IQGAP2: variants seen among roughly 807,000 people sequenced by gnomAD.
IQGAP2 encodes the protein IQ motif containing GTPase activating protein 2, also known as ras GTPase-activating-like protein IQGAP2.
A neutral mutation model predicts 201.3 loss-of-function variants in IQGAP2; 173 were observed. The ratio of observed to expected loss-of-function variants is 0.86; its 90% confidence interval spans 0.76 to 0.98. The LOEUF (loss-of-function observed/expected upper bound fraction) is 0.98, where lower values mean the gene tolerates loss of function less well. Among genes scored for constraint, IQGAP2 ranks in the 50% least tolerant of loss-of-function variants. IQGAP2 has a pLI of 0.00. For synonymous variants in IQGAP2, 675 were observed against 673.9 expected (o/e 1.00, Z -0.03); for missense variants, 1,687 against 1,864.8 (o/e 0.90, Z 1.76).
chr5:76,565,306 G>T (rs1476205711), intron 3 of IQGAP2, among the ~76,000 whole-genome samples: 2 of 152,086 alleles, frequency 1.3e-5, no homozygotes, highest in African/African-American at 4.8e-5. Context: ...CTCGCTGCAG[G>T]GTCTGCCTAG....
chr5:76,665,753 A>G (rs1223839287), intron 22 of IQGAP2, among the ~76,000 whole-genome samples: 1 of 152,154 alleles, frequency 6.6e-6, no homozygotes, highest in Non-Finnish European at 1.5e-5. Context: ...TGTTGGTGAG[A>G]ACTGATAAGT....
intron 2 of IQGAP2, among the ~76,000 whole-genome samples, chr5:76,523,261 A>G (rs1580377664): frequency 6.6e-6 from 1 of 151,698 alleles, no homozygotes; most frequent in East Asian, 1.9e-4. Context: ...ATTTAAAAAA[A>G]AAAAATTTTG....
intron 23 of IQGAP2, among the ~76,000 whole-genome samples, chr5:76,669,090 A>G (rs1042950087): frequency 5.3e-5 from 8 of 152,222 alleles, no homozygotes; most frequent in African/African-American, 1.9e-4. Context: ...AACAACTGAA[A>G]ATCAATAGCA....
In IQGAP2 at chr5:76,606,267, G is replaced by A; in HGVS notation, c.1321G>A (p.Asp441Asn). 8.1e-6 allele frequency: 13 copies of A among 1,603,350 alleles called. No individual in the cohort carries two copies. The highest frequency in any genetic ancestry group is 1.1e-5 in the Non-Finnish European group (13 of 1,174,372). ...LSWNEIQNCI[D>N]MVNAQIQEEN... is the part of the protein sequence containing the mutation. ...CTGGAATGAAATTCAGAATTGTATT[G>A]ATATGGTTAATGCTCAAATTCAAGA... is the stretch of plus-strand genomic sequence containing the variant. Residue 441 changes from aspartate (D) to asparagine (N), a missense_variant, in exon 12 of 36, where the codon GAT becomes AAT. Physicochemically the swap from Asp to Asn is conservative, Grantham distance 23. Transcript: ENST00000274364.
In IQGAP2 at chr5:76,627,394, G is replaced by T; in HGVS notation, c.1522-16G>T. ...ATTCACTCTTCTTTCTTTTTATTCTGTGACATTGTCCCCAGGACTCTGAGA... is the reference window on the plus strand; with the variant it reads ...ATTCACTCTTCTTTCTTTTTATTCTTTGACATTGTCCCCAGGACTCTGAGA... On this transcript the variant is annotated splice_polypyrimidine_tract_variant and intron_variant, in intron 13 of 35. Transcript: ENST00000274364. 6.6e-7 allele frequency: 1 copy of T among 1,520,294 alleles called. No individual in the cohort carries two copies. Among genetic ancestry groups the T allele is most frequent in the South Asian group, 1.1e-5 (1 of 88,520 alleles). The allele number at this position is 1,520,294 out of a possible 1,614,324, so 94.2% of individuals were successfully genotyped here.
In IQGAP2 at chr5:76,701,060, GTTC is replaced by G; in HGVS notation, c.4368-13_4368-11del. On this transcript the variant is annotated splice_polypyrimidine_tract_variant and intron_variant, in intron 33 of 35. Transcript: ENST00000274364. ...TTGCCATCATAACAACAAATGTTCTGTTCTTATTTTGTCAGAAATACTCGGAGA... is the reference window on the plus strand; with the variant it reads ...TTGCCATCATAACAACAAATGTTCTGTTATTTTGTCAGAAATACTCGGAGA... 1 of 1,613,646 alleles carries G rather than the reference GTTC, an allele frequency of 6.2e-7. No homozygotes were observed.
intron 1 of IQGAP2, among the ~76,000 whole-genome samples, chr5:76,413,233 A>G (rs1751232960): frequency 8.1e-6 from 1 of 123,530 alleles, no homozygotes; most frequent in Non-Finnish European, 1.6e-5. Flanking sequence ...CAGTGGCGCG[A>G]TCTTGGCTCA....
chr5:76,458,390 G>A (rs925661634), intron 1 of IQGAP2, among the ~76,000 whole-genome samples: 10 of 152,122 alleles, frequency 6.6e-5, no homozygotes, highest in Non-Finnish European at 1.3e-4. Context: ...CATGCCAGTG[G>A]TTCTTATCAA....
chr5:76,580,578 T>A (rs1745779949), intron 5 of IQGAP2, among the ~76,000 whole-genome samples: 1 of 152,280 alleles, frequency 6.6e-6, no homozygotes, highest in Admixed American at 6.5e-5. Context: ...TTATTACAAC[T>A]TCCTTTTTGG....
intron 10 of IQGAP2, 88 bp from the exon 11 acceptor site, chr5:76,600,724 T>A: frequency 6.8e-7 from 1 of 1,473,580 alleles, no homozygotes; most frequent in Non-Finnish European, 9.3e-7. Flanking sequence ...GACTTTTTGT[T>A]GTTTGTTGAA....
rs536913822 is a variant in IQGAP2 at position 76,551,021 on chromosome 5, C to G, written c.147-11375C>G. ...TCCCTCCCGGACGGGGGTGGCTGGCCGGGCAGAGAGGCTCCTCACTTCCCG... is the reference window on the plus strand; with the variant it reads ...TCCCTCCCGGACGGGGGTGGCTGGCGGGGCAGAGAGGCTCCTCACTTCCCG... On this transcript the variant is annotated intron_variant, in intron 2 of 35. Coordinates refer to ENST00000274364, the MANE Select transcript of IQGAP2 (RefSeq NM_006633.5). 2.0e-5 allele frequency among the ~76,000 whole-genome samples: 3 copies of G among 151,592 alleles called. No individual in the cohort carries two copies. In the South Asian group the frequency reaches 6.3e-4, roughly 32 times the overall value.
intron 1 of IQGAP2, among the ~76,000 whole-genome samples, chr5:76,459,827 G>A (rs1233727050): frequency 6.6e-6 from 1 of 152,072 alleles, no homozygotes; most frequent in Non-Finnish European, 1.5e-5. Flanking sequence ...TTTTAGTAGA[G>A]ATGGGATTTC....
chr5:76,428,918 C>A (rs1228033274), intron 1 of IQGAP2, among the ~76,000 whole-genome samples: 2 of 151,608 alleles, frequency 1.3e-5, no homozygotes, highest in Admixed American at 6.6e-5. Context: ...CATGGTGAAA[C>A]CCCACCTCTG....
chr5:76,407,013 C>G (rs978522937), intron 1 of IQGAP2, among the ~76,000 whole-genome samples: 1 of 152,046 alleles, frequency 6.6e-6, no homozygotes, highest in Non-Finnish European at 1.5e-5. Context: ...GTATCTTGCT[C>G]TCTCACCCAG....
At chr5:76,625,505 C>A (rs2431349) in intron 13 of IQGAP2, among the ~76,000 whole-genome samples, 98,362 of 151,918 alleles carry the variant, frequency 0.65, 32,053 homozygotes, top group Middle Eastern at 0.68. Flanking sequence ...GAGCCTCCCC[C>A]ATCCATTCTT....
intron 1 of IQGAP2, among the ~76,000 whole-genome samples, chr5:76,407,472 A>G (rs1750860724): frequency 6.6e-6 from 1 of 152,244 alleles, no homozygotes; most frequent in Non-Finnish European, 1.5e-5. Context: ...GGTATTTAGC[A>G]TAGCTCAGCT....
intron 2 of IQGAP2, among the ~76,000 whole-genome samples, chr5:76,528,356 C>CTGTA (rs2150203526): frequency 1.8e-5 from 1 of 54,388 alleles, no homozygotes; most frequent in African/African-American, 1.3e-4. Flanking sequence ...AAGTATTCTG[C>CTGTA]TCTATTTTAT....
intron 2 of IQGAP2, 75 bp from the exon 3 acceptor site, chr5:76,562,321 A>G (rs964644419): frequency 4.6e-6 from 5 of 1,094,640 alleles, no homozygotes; most frequent in African/African-American, 3.1e-5. Flanking sequence ...ACACACAGCG[A>G]AATGCTGCAT....
chr5:76,523,112 TCTCA>T (rs1322062635), intron 2 of IQGAP2, among the ~76,000 whole-genome samples: 1 of 137,682 alleles, frequency 7.3e-6, no homozygotes, highest in African/African-American at 2.8e-5. Flanking sequence ...TGAGGCAAGG[TCTCA>T]CTCTGCTGCC....
Sources: allele counts gnomAD v4.1 joint callset (sites outside exome capture counted in the v4.1 genomes callset), GRCh38; gene constraint gnomAD v4.1.1; transcripts MANE v1.5; gene names NCBI Gene and HGNC (gene_info 2026-07-23, HGNC 2026-07-21).